OXNAD1: variants seen among roughly 807,000 people sequenced by gnomAD.
OXNAD1 encodes the protein oxidoreductase NAD-binding domain-containing protein 1.
A neutral mutation model predicts 32.9 loss-of-function variants in OXNAD1; 34 were observed. The observed-to-expected ratio is 1.03, with a 90% CI of 0.79 to 1.38. The LOEUF is 1.38. OXNAD1 is among the 40% of genes most tolerant of loss of function. The pLI is 0.00. For synonymous variants in OXNAD1, 134 were observed against 135.2 expected (o/e 0.99, Z 0.06); for missense variants, 407 against 379.4 (o/e 1.07, Z -0.60).
In OXNAD1 at chr3:16,329,671, A is replaced by G. The variant is rs1440323177; in HGVS notation, c.*31-7441A>G. On this transcript the variant is annotated intron_variant, in intron 9 of 9. Transcript: ENST00000435829. This position sits in a 1 kb window ranked among gnomAD's most constrained non-coding sequence, Gnocchi z 4.5. ...TCCCTGCCCCCATCCCCGTATTCCCAGTTTAAAGAGAGGAGGAAAACCAAT... is the reference window on the plus strand; with the variant it reads ...TCCCTGCCCCCATCCCCGTATTCCCGGTTTAAAGAGAGGAGGAAAACCAAT... Among the ~76,000 whole-genome samples, 1 of 152,140 alleles carries G rather than the reference A, an allele frequency of 6.6e-6. No homozygotes were observed. The highest frequency in any genetic ancestry group is 1.5e-5 in the Non-Finnish European group (1 of 68,018).
rs540358826 is a variant in OXNAD1, at chr3:16,323,171, G to A, written c.*31-13941G>A. ...ATCCTTCTGGCCGGCCCAGCAGGAC[G>A]ATGGCAGACAAGGCCCTCCAGTCCC... is the stretch of plus-strand genomic sequence containing the variant. On this transcript the variant is annotated intron_variant, in intron 9 of 9. Transcript: ENST00000435829. Among the ~76,000 whole-genome samples the A allele has an allele frequency of 3.9e-5, 6 of 152,228 alleles. No individual in the cohort carries two copies. In the South Asian group the frequency reaches 6.2e-4, roughly 16 times the overall value.
rs1472682459 is a variant in OXNAD1, at chr3:16,322,080, T to C, written c.*31-15032T>C. ...CGTGCTGTGTGTTGAATGTTGCACT[T>C]GCTGAATGCATGCAGTTCCCGTGAG... is the stretch of plus-strand genomic sequence containing the variant. On this transcript the variant is annotated intron_variant, in intron 9 of 9. Transcript: ENST00000435829. The surrounding 1 kb of genome is among the most constrained non-coding windows in gnomAD (Gnocchi z 6.2). Among the ~76,000 whole-genome samples the C allele has an allele frequency of 2.0e-5, 3 of 152,196 alleles. No individual in the cohort carries two copies. Among genetic ancestry groups the C allele is most frequent in the Non-Finnish European group, 4.4e-5 (3 of 68,032 alleles).
At chr3:16,343,279 G>T (rs1209681097) in intron 9 of OXNAD1, among the ~76,000 whole-genome samples, 2 of 152,210 alleles carry the variant, frequency 1.3e-5, no homozygotes, top group Non-Finnish European at 2.9e-5. Context: ...GCATCTGGGA[G>T]TTGACAGTCC....
chr3:16,310,345 G>A (rs1488951959), downstream of OXNAD1, among the ~76,000 whole-genome samples: 1 of 152,068 alleles, frequency 6.6e-6, no homozygotes, highest in African/African-American at 2.4e-5. Context: ...ACCCAGGACT[G>A]AAGGTTCATG....
chr3:16,282,793 T>A (rs2065837770), intron 4 of OXNAD1, among the ~76,000 whole-genome samples: 1 of 150,880 alleles, frequency 6.6e-6, no homozygotes, highest in Admixed American at 6.6e-5. Flanking sequence ...GAGTCCCAAG[T>A]TCGTATGAGT....
chr3:16,285,534 G>C (rs933884110), intron 4 of OXNAD1, among the ~76,000 whole-genome samples: 1 of 152,212 alleles, frequency 6.6e-6, no homozygotes, highest in African/African-American at 2.4e-5. Flanking sequence ...GCAGATGAAA[G>C]AATAAAGGAA....
At chr3:16,269,348 A>G (rs2064769882) in intron 2 of OXNAD1, 73 bp downstream of exon 2, 2 of 1,481,070 alleles carry the variant, frequency 1.4e-6, no homozygotes, top group Admixed American at 2.0e-5. Flanking sequence ...GAGAAAAACT[A>G]CGTTTAGTGG....
rs919019157 is a variant in OXNAD1 at position 16,303,864 on chromosome 3, A to G, written c.*302A>G. The G allele has an allele frequency of 1.5e-5, 3 of 195,556 alleles. No individual in the cohort carries two copies. Among genetic ancestry groups the G allele is most frequent in the Non-Finnish European group, 3.1e-5 (3 of 96,280 alleles). 12.1% of individuals were successfully genotyped at this position (195,556 alleles called of 1,614,324 possible). A position where few individuals can be genotyped will look rare whatever the true frequency, so the allele number is the denominator to read the frequency against. ...GATTTTTCTTTTGTCTTTAGGCAAA[A>G]AAAAGATATATACTTATGTCTAATC... On this transcript the variant is annotated 3_prime_UTR_variant, in exon 9 of 9. Transcript: ENST00000285083. The surrounding 1 kb of genome is among the most constrained non-coding windows in gnomAD (Gnocchi z 4.8).
Position 16,271,529 on chromosome 3 carries a change from C to A in OXNAD1, c.120-130C>A. On this transcript the variant is annotated intron_variant, in intron 3 of 8. Transcript: ENST00000285083. This position sits in a 1 kb window ranked among gnomAD's most constrained non-coding sequence, Gnocchi z 4.6. Reference sequence around the variant, plus strand: ...AAAACTTTAGTTAGACGGGCAGATACTCACTGGCCATTTTATAGGATCTGT... The same window carrying A: ...AAAACTTTAGTTAGACGGGCAGATAATCACTGGCCATTTTATAGGATCTGT... 1.3e-6 allele frequency: 1 copy of A among 756,086 alleles called. No homozygotes were observed. Among genetic ancestry groups the A allele is most frequent in the Non-Finnish European group, 2.0e-6 (1 of 497,844 alleles). The allele number at this position is 756,086 out of a possible 1,614,324, so 46.8% of individuals were successfully genotyped here. A position where few individuals can be genotyped will look rare whatever the true frequency, so the allele number is the denominator to read the frequency against.
intron 9 of OXNAD1, among the ~76,000 whole-genome samples, chr3:16,324,305 T>A (rs1338932265): frequency 1.3e-5 from 2 of 152,222 alleles, no homozygotes; most frequent in Non-Finnish European, 1.5e-5. Flanking sequence ...TAAAAGCTAC[T>A]CTTTTAGGAA....
chr3:16,313,107 G>A (rs960642094), intron 9 of OXNAD1, among the ~76,000 whole-genome samples: 4 of 149,258 alleles, frequency 2.7e-5, no homozygotes, highest in Non-Finnish European at 4.4e-5. Flanking sequence ...GTGCAGTGGT[G>A]TGCCCACAGC....
intron 5 of OXNAD1, among the ~76,000 whole-genome samples, chr3:16,286,704 CAA>C (rs1393845633): frequency 6.6e-6 from 1 of 152,214 alleles, no homozygotes; most frequent in African/African-American, 2.4e-5. Flanking sequence ...CACATTCAAA[CAA>C]AGCTAGTTCT....
Position 16,301,750 on chromosome 3 carries a change from C to A in OXNAD1, c.557C>A (p.Ser186Tyr), listed in dbSNP as rs763370168. 6.8e-6 allele frequency: 11 copies of A among 1,613,938 alleles called. No homozygotes were observed. Among genetic ancestry groups the A allele is most frequent in the Non-Finnish European group, 8.5e-7 (1 of 1,179,988 alleles). The change falls in exon 7 of 9, where the codon TCC (serine) becomes TAC (tyrosine). Residue 186 changes from serine (S) to tyrosine (Y), a missense_variant. By Grantham distance (144) the Ser-to-Tyr change is moderately radical (BLOSUM62 -2). Transcript: ENST00000285083. The surrounding 1 kb of genome is among the most constrained non-coding windows in gnomAD (Gnocchi z 4.1). Reference sequence around the variant, plus strand: ...GGAGTCGGAATTAACCCTCTGCTTTCCATCCTGCGGCACGCAGCAGATCTC... The same window carrying A: ...GGAGTCGGAATTAACCCTCTGCTTTACATCCTGCGGCACGCAGCAGATCTC... ...AGGVGINPLL[S>Y]ILRHAADLLR...
rs2065407522 is a variant in OXNAD1 at position 16,277,226 on chromosome 3, C to T, written c.183+5504C>T. 6.6e-6 allele frequency among the ~76,000 whole-genome samples: 1 copy of T among 152,140 alleles called. No homozygotes were observed. The highest frequency in any genetic ancestry group is 6.5e-5 in the Admixed American group (1 of 15,282). On this transcript the variant is annotated intron_variant, in intron 4 of 8. Coordinates refer to ENST00000285083, the MANE Select transcript of OXNAD1 (RefSeq NM_138381.5). This position sits in a 1 kb window ranked among gnomAD's most constrained non-coding sequence, Gnocchi z 4.3. ...ACAGGCATGAGCCACAGCTCCTGGC[C>T]CTCCTCTTCTGTTTCTAATTTCCCC... is the stretch of plus-strand genomic sequence containing the variant.
In OXNAD1 at chr3:16,303,438, A is replaced by T. The variant is rs1161375731; in HGVS notation, c.815A>T (p.Asp272Val). 2 of 1,613,902 alleles carry T rather than the reference A, an allele frequency of 1.2e-6. No homozygotes were observed. Among genetic ancestry groups the T allele is most frequent in the Admixed American group, 1.7e-5 (1 of 59,994 alleles). Residue 272 changes from aspartate to valine, a missense_variant, in exon 9 of 9, where the codon GAT becomes GTT. By Grantham distance (152) the Asp-to-Val change is radical (BLOSUM62 -3). Transcript: ENST00000285083. This position sits in a 1 kb window ranked among gnomAD's most constrained non-coding sequence, Gnocchi z 4.8. ...EGRITEKEIR[D>V]HISKETLFYI... ...AGAATAACGGAGAAGGAGATAAGAG[A>T]TCATATTTCAAAAGAGACTTTGTTC... is the stretch of plus-strand genomic sequence containing the variant.
chr3:16,317,131 C>T lies in OXNAD1; in HGVS notation c.*30+13539C>T, dbSNP rs1559795683. 6.2e-7 allele frequency: 1 copy of T among 1,613,820 alleles called. No individual in the cohort carries two copies. Among genetic ancestry groups the T allele is most frequent in the Admixed American group, 1.7e-5 (1 of 59,986 alleles). On this transcript the variant is annotated intron_variant, in intron 9 of 9. Transcript: ENST00000435829. This position sits in a 1 kb window ranked among gnomAD's most constrained non-coding sequence, Gnocchi z 4.3. ...TGGAAGACTGGTCTTCTAAGTTCTTCTCATTTTCTTCTGCTTGTTGTTTGT... is the reference window on the plus strand; with the variant it reads ...TGGAAGACTGGTCTTCTAAGTTCTTTTCATTTTCTTCTGCTTGTTGTTTGT...
chr3:16,306,036 TTTG>T lies in OXNAD1; in HGVS notation c.*2477_*2479del, dbSNP rs1365490709. ...GCACAAAATAGGTATTTCATAAATA[TTTG>T]TTAATATGCTCAGAGTTGATAAGCT... On this transcript the variant is annotated 3_prime_UTR_variant, in exon 9 of 9. Coordinates refer to ENST00000285083, the MANE Select transcript of OXNAD1 (RefSeq NM_138381.5). 2 of 151,872 alleles carry T rather than the reference TTTG, an allele frequency of 1.3e-5. No homozygotes were observed. The highest frequency in any genetic ancestry group is 2.9e-5 in the Non-Finnish European group (2 of 67,882). 9.4% of individuals were successfully genotyped at this position (151,872 alleles called of 1,614,324 possible).
chr3:16,268,833 T>C (rs1575033632), intron 1 of OXNAD1, among the ~76,000 whole-genome samples: 1 of 152,194 alleles, frequency 6.6e-6, no homozygotes, highest in African/African-American at 2.4e-5. Context: ...TTAAATGACA[T>C]GTAACTGTGT....
intron 4 of OXNAD1, among the ~76,000 whole-genome samples, chr3:16,283,246 C>A (rs569101160): frequency 6.6e-6 from 1 of 152,268 alleles, no homozygotes; most frequent in East Asian, 1.9e-4. Context: ...ATACCCTGTT[C>A]CCCAGTTTCA....
Sources: allele counts gnomAD v4.1 joint callset (sites outside exome capture counted in the v4.1 genomes callset), GRCh38; gene constraint gnomAD v4.1.1; non-coding constraint Gnocchi (gnomAD v3.1); transcripts MANE v1.5; gene names NCBI Gene and HGNC (gene_info 2026-07-23, HGNC 2026-07-21).